The following GRID2 variants were observed in gnomAD, a reference collection of about 807,000 sequenced individuals.
GRID2 encodes the protein glutamate receptor ionotropic, delta-2.
A neutral mutation model predicts 114.8 loss-of-function variants in GRID2; 33 were observed. The observed-to-expected ratio is 0.29, with a 90% CI of 0.22 to 0.38. GRID2 has a LOEUF of 0.38. Among genes scored for constraint, GRID2 ranks in the 10% least tolerant of loss-of-function variants. The pLI, the probability that GRID2 is intolerant of heterozygous loss-of-function variation, is 1.00. For missense variants in GRID2, 1,184 were observed against 1,257.7 expected, an observed-to-expected ratio of 0.94 and a Z score of 0.89; for synonymous variants, 505 against 449.9, an observed-to-expected ratio of 1.12 and a Z score of -1.55.
chr4:93,711,975 C>T (rs1728524146), intron 14 of GRID2, among the ~76,000 whole-genome samples: 1 of 152,126 alleles, frequency 6.6e-6, no homozygotes, highest in African/African-American at 2.4e-5. Flanking sequence ...AGCCATCTTG[C>T]TCTGCCTGTG....
chr4:92,822,504 A>T (rs144063489), intron 2 of GRID2: 3 of 396,914 alleles, frequency 7.6e-6, no homozygotes, highest in Non-Finnish European at 4.9e-6. Flanking sequence ...CCACCTGGAC[A>T]GTGTATTTGT....
intron 2 of GRID2, among the ~76,000 whole-genome samples, chr4:92,941,779 C>T (rs1285223211): frequency 6.6e-6 from 1 of 152,100 alleles, no homozygotes; most frequent in African/African-American, 2.4e-5. Flanking sequence ...TCTTTGTTCT[C>T]ATTGGTTTCA....
intron 13 of GRID2, among the ~76,000 whole-genome samples, chr4:93,591,398 G>T (rs1337240041): frequency 6.6e-6 from 1 of 151,522 alleles, no homozygotes; most frequent in Non-Finnish European, 1.5e-5. Context: ...GCATCCCAGG[G>T]ATGAAGCCCA....
intron 1 of GRID2, among the ~76,000 whole-genome samples, chr4:92,403,391 A>G (rs1296719821): frequency 6.6e-6 from 1 of 152,016 alleles, no homozygotes; most frequent in Non-Finnish European, 1.5e-5. Flanking sequence ...AACATTTGTA[A>G]CATTTCATTG....
intron 3 of GRID2, among the ~76,000 whole-genome samples, chr4:93,103,614 C>T (rs1370510081): frequency 6.6e-6 from 1 of 151,952 alleles, no homozygotes; most frequent in Non-Finnish European, 1.5e-5. Flanking sequence ...ATATGCTTAT[C>T]CAGGTTCTCC....
At chr4:93,182,673 C>T (rs750413060) in intron 4 of GRID2, among the ~76,000 whole-genome samples, 8 of 152,182 alleles carry the variant, frequency 5.3e-5, no homozygotes, top group Non-Finnish European at 5.9e-5. Context: ...TCTGGATCTT[C>T]AAATATTTGA....
At chr4:92,532,090 C>T (rs891390850) in intron 1 of GRID2, among the ~76,000 whole-genome samples, 1 of 152,202 alleles carries the variant, frequency 6.6e-6, no homozygotes, top group East Asian at 1.9e-4. Flanking sequence ...TTTTTGGAAT[C>T]CCACTAAAAC....
At chr4:93,204,903 A>G (rs190123414) in intron 4 of GRID2, among the ~76,000 whole-genome samples, 80 of 152,282 alleles carry the variant, frequency 5.3e-4, no homozygotes, top group Non-Finnish European at 9.0e-4. Context: ...TCACTGTACT[A>G]CTATTGCTTC....
intron 2 of GRID2, among the ~76,000 whole-genome samples, chr4:92,827,452 C>T (rs1468940737): frequency 6.6e-6 from 1 of 150,652 alleles, no homozygotes; most frequent in East Asian, 1.9e-4. Context: ...TATGTCCCTT[C>T]TGTCTTTATT....
At chr4:92,548,365 C>T (rs1443017309) in intron 1 of GRID2, among the ~76,000 whole-genome samples, 3 of 135,912 alleles carry the variant, frequency 2.2e-5, no homozygotes, top group Admixed American at 7.7e-5. Flanking sequence ...TTAGTCCATT[C>T]TCAAACTGCT....
At chr4:92,895,337 C>T (rs1232544940) in intron 2 of GRID2, among the ~76,000 whole-genome samples, 1 of 140,684 alleles carries the variant, frequency 7.1e-6, no homozygotes, top group Non-Finnish European at 1.5e-5. Context: ...GAATGTTTTG[C>T]TTAAGCCAAA....
intron 2 of GRID2, among the ~76,000 whole-genome samples, chr4:92,848,478 G>A (rs1410104850): frequency 6.6e-6 from 1 of 151,870 alleles, no homozygotes; most frequent in East Asian, 1.9e-4. Context: ...TCTATGGGGT[G>A]AGAGAAATGG....
intron 13 of GRID2, among the ~76,000 whole-genome samples, chr4:93,590,547 T>C (rs1738133404): frequency 6.6e-6 from 1 of 151,876 alleles, no homozygotes; most frequent in African/African-American, 2.4e-5. Context: ...GGCTCTTTTT[T>C]GGTTCCATAT....
chr4:92,633,903 A>G (rs753887520), intron 2 of GRID2, among the ~76,000 whole-genome samples: 8 of 151,418 alleles, frequency 5.3e-5, no homozygotes, highest in East Asian at 2.0e-4. Flanking sequence ...CATTTTCACT[A>G]TATGAATCAC....
At chr4:93,078,763 A>G (rs1039593442) in intron 2 of GRID2, among the ~76,000 whole-genome samples, 4 of 55,634 alleles carry the variant, frequency 7.2e-5, no homozygotes, top group Admixed American at 3.3e-4. Flanking sequence ...ATATAATTAT[A>G]TTATATTTAT....
intron 2 of GRID2, among the ~76,000 whole-genome samples, chr4:92,634,393 C>G (rs1730961616): frequency 6.6e-6 from 1 of 152,130 alleles, no homozygotes; most frequent in African/African-American, 2.4e-5. Flanking sequence ...GCTATGGCTG[C>G]CACAAAGTAC....
chr4:92,361,793 C>A (rs1728632629), intron 1 of GRID2, among the ~76,000 whole-genome samples: 1 of 151,968 alleles, frequency 6.6e-6, no homozygotes, highest in Non-Finnish European at 1.5e-5. Flanking sequence ...GTAATCTGGG[C>A]TTCTGGCTTC....
chr4:92,785,215 C>T (rs981392291), intron 2 of GRID2, among the ~76,000 whole-genome samples: 4 of 150,666 alleles, frequency 2.7e-5, no homozygotes, highest in African/African-American at 7.3e-5. Flanking sequence ...AATTTGTAGA[C>T]AAACGGATGA....
intron 12 of GRID2, among the ~76,000 whole-genome samples, chr4:93,513,619 C>G (rs9307127): frequency 0.21 from 31,737 of 152,086 alleles, 3,926 homozygotes; most frequent in Non-Finnish European, 0.29. Flanking sequence ...ATCGCACTTT[C>G]TCTTCAGATA....
Sources: gnomAD v4.1 joint callset for allele counts (sites outside exome capture counted in the v4.1 genomes callset) on GRCh38, gnomAD v4.1.1 for gene constraint, MANE v1.5 for transcripts, NCBI Gene and HGNC (gene_info 2026-07-23, HGNC 2026-07-21) for gene names.